Variants in FBRSL1 observed in about 807,000 individuals in gnomAD.
FBRSL1 encodes the protein fibrosin like 1.
Under a neutral mutation model 89.6 loss-of-function variants are expected in FBRSL1, and 51 were observed. That is an observed-to-expected ratio of 0.57 (90% CI 0.45 to 0.72). FBRSL1 has a LOEUF of 0.72. Ranked by LOEUF, FBRSL1 falls within the 30% of genes least tolerant of loss-of-function variation. FBRSL1 has a pLI of 0.00. For missense variants in FBRSL1, 1,618 were observed against 1,451.8 expected (o/e 1.11, Z -1.86); for synonymous variants, 779 against 681.1 (o/e 1.14, Z -2.24).
intron 9 of FBRSL1, chr12:132,571,843 C>T (rs2040036931): frequency 6.0e-6 from 2 of 332,872 alleles, no homozygotes; most frequent in African/African-American, 2.2e-5. Context: ...GGCACAGGGA[C>T]CATGACTCAG....
In FBRSL1 at chr12:132,570,014, C is replaced by A; in HGVS notation, c.780C>A (p.Ser260Arg). Residue 260 changes from serine (S) to arginine (R), a missense_variant, in exon 7 of 19, where the codon AGC (serine) becomes AGA (arginine). By Grantham distance (110) the Ser-to-Arg change is moderately radical. Transcript: ENST00000680143. Reference protein sequence around the residue: ...LERSRELSAESFLPTASPAPH... With the variant: ...LERSRELSAERFLPTASPAPH... The stretch of plus-strand genomic sequence containing the variant: ...GCAGCCGCGAGCTCAGCGCCGAGAG[C>A]TTCCTGCCCACTGCCAGCCCCGCGC... The A allele has an allele frequency of 6.6e-7, 1 of 1,513,184 alleles. No individual in the cohort carries two copies. The allele number at this position is 1,513,184 out of a possible 1,614,324, so 93.7% of individuals were successfully genotyped here.
chr12:132,575,618 C>A, intron 14 of FBRSL1, among the ~76,000 whole-genome samples: 1 of 152,322 alleles, frequency 6.6e-6, no homozygotes, highest in South Asian at 2.1e-4. Flanking sequence ...GGGCCGTCCA[C>A]GGCAGAGTCG....
At chr12:132,512,993 G>A (rs1172538652) in intron 2 of FBRSL1, among the ~76,000 whole-genome samples, 1 of 152,230 alleles carries the variant, frequency 6.6e-6, no homozygotes, top group East Asian at 1.9e-4. Context: ...GGGCGCTATG[G>A]TGCTGGACAT....
chr12:132,571,348 G>A, intron 9 of FBRSL1, 117 bp downstream of exon 9: 1 of 1,550,244 alleles, frequency 6.5e-7, no homozygotes, highest in Non-Finnish European at 8.7e-7. Flanking sequence ...GCGGTTTCTG[G>A]TGCAGAGCGC....
chr12:132,497,117 G>A (rs1019446813), intron 1 of FBRSL1, among the ~76,000 whole-genome samples: 1 of 152,244 alleles, frequency 6.6e-6, no homozygotes, highest in African/African-American at 2.4e-5. Flanking sequence ...CTGCATTTTG[G>A]TTGGGAACTT....
chr12:132,516,130 G>A (rs549123734), intron 2 of FBRSL1, among the ~76,000 whole-genome samples: 2 of 151,680 alleles, frequency 1.3e-5, no homozygotes, highest in Non-Finnish European at 2.9e-5. Context: ...CAGCTTAGGT[G>A]AAGTGGGCAA....
intron 4 of FBRSL1, 42 bp downstream of exon 4, chr12:132,528,030 G>A (rs1407665354): frequency 6.5e-7 from 1 of 1,533,894 alleles, no homozygotes; most frequent in Non-Finnish European, 8.8e-7. Flanking sequence ...GTCCCCCTGG[G>A]GCCTTAGGAC....
intron 18 of FBRSL1, 50 bp from the exon 19 acceptor site, chr12:132,582,921 G>A (rs1435447870): frequency 6.1e-6 from 8 of 1,322,078 alleles, no homozygotes; most frequent in Middle Eastern, 2.8e-4. Context: ...GCTGCGCCGC[G>A]CGGCAGGACG....
chr12:132,556,382 C>T (rs919821701), intron 5 of FBRSL1, among the ~76,000 whole-genome samples: 4 of 152,188 alleles, frequency 2.6e-5, no homozygotes, highest in Admixed American at 6.5e-5. Flanking sequence ...CTACACAGGC[C>T]GGGCAACAGC....
In FBRSL1 at chr12:132,583,403, G is replaced by A. The variant is rs1300272382; in HGVS notation, c.2634G>A (p.Leu878=). ...AAPAPGSAAL[L]EPPERPYRDR... ...CCGCCCCGGGCTCCGCCGCCCTCTT[G>A]GAGCCCCCGGAGCGCCCCTACCGCG... The change falls in exon 19 of 19, where the codon TTG becomes TTA. Residue 878 remains leucine (L), a synonymous_variant. Transcript: ENST00000680143. 3 of 1,075,918 alleles carry A rather than the reference G, an allele frequency of 2.8e-6. No individual in the cohort carries two copies. Among genetic ancestry groups the A allele is most frequent in the East Asian group, 7.6e-5 (1 of 13,154 alleles). 66.6% of individuals were successfully genotyped at this position (1,075,918 alleles called of 1,614,324 possible). A position where few individuals can be genotyped will look rare whatever the true frequency, so the allele number is the denominator to read the frequency against.
At chr12:132,554,545 G>A (rs1345746130) in intron 5 of FBRSL1, 1 of 152,274 alleles carries the variant, frequency 6.6e-6, no homozygotes, top group Non-Finnish European at 1.5e-5. Flanking sequence ...CAGTTGCGGT[G>A]ACTCATGCCT....
At chr12:132,495,467 G>A (rs1200829142) in intron 1 of FBRSL1, among the ~76,000 whole-genome samples, 1 of 152,234 alleles carries the variant, frequency 6.6e-6, no homozygotes, top group African/African-American at 2.4e-5. Flanking sequence ...TGGTGGTGGG[G>A]GCTGAGACCG....
chr12:132,536,920 C>A (rs1402605807), intron 4 of FBRSL1, among the ~76,000 whole-genome samples: 1 of 152,192 alleles, frequency 6.6e-6, no homozygotes, highest in Non-Finnish European at 1.5e-5. Flanking sequence ...TCTTTGCATG[C>A]ATGTATATGT....
chr12:132,574,887 C>T (rs12314485), intron 14 of FBRSL1, among the ~76,000 whole-genome samples: 3,026 of 152,132 alleles, frequency 0.02, 111 homozygotes, highest in African/African-American at 0.069. Flanking sequence ...GGTCCTCTGC[C>T]GCCCCCACTC....
At chr12:132,566,470 T>A (rs182545190) in intron 5 of FBRSL1, 1 of 151,448 alleles carries the variant, frequency 6.6e-6, no homozygotes, top group East Asian at 1.9e-4. Context: ...GTCATTCTTA[T>A]GAAGCTCATT....
At chr12:132,571,252 G>A (rs1409008566) in intron 9 of FBRSL1, 21 bp downstream of exon 9, 9 of 1,475,608 alleles carry the variant, frequency 6.1e-6, no homozygotes, top group East Asian at 5.1e-5. Flanking sequence ...GCCTCGCCCC[G>A]CCGGGAGCCC....
intron 1 of FBRSL1, among the ~76,000 whole-genome samples, chr12:132,495,225 T>C (rs1379166795): frequency 2.6e-5 from 4 of 152,210 alleles, no homozygotes; most frequent in Non-Finnish European, 4.4e-5. Flanking sequence ...CCTGGTGGGC[T>C]TCACAGAGGG....
intron 2 of FBRSL1, among the ~76,000 whole-genome samples, chr12:132,516,513 G>C (rs766236362): frequency 6.6e-6 from 1 of 152,198 alleles, no homozygotes; most frequent in Non-Finnish European, 1.5e-5. Flanking sequence ...ACATCTGTTA[G>C]ATGGAGTTTC....
intron 2 of FBRSL1, 83 bp from the exon 3 acceptor site, chr12:132,525,651 G>T: frequency 8.8e-7 from 1 of 1,138,530 alleles, no homozygotes; most frequent in East Asian, 2.6e-5. Context: ...GCCGGGAGCA[G>T]GCATGTAGCC....
Sources: allele counts gnomAD v4.1 joint callset (sites outside exome capture counted in the v4.1 genomes callset), GRCh38; gene constraint gnomAD v4.1.1; transcripts MANE v1.5; gene names NCBI Gene and HGNC (gene_info 2026-07-23, HGNC 2026-07-21).